The following PDE6D variants were observed in gnomAD, a reference collection of about 807,000 sequenced individuals.
PDE6D encodes the protein phosphodiesterase 6D, also known as retinal rod rhodopsin-sensitive cGMP 3',5'-cyclic phosphodiesterase subunit delta.
A neutral mutation model predicts 21.9 loss-of-function variants in PDE6D; 10 were observed. That is an observed-to-expected ratio of 0.46 (90% CI 0.28 to 0.78). The LOEUF is 0.78. Among genes scored for constraint, PDE6D ranks in the 30% least tolerant of loss-of-function variants. The pLI is 0.12. For missense variants in PDE6D, 139 were observed against 184.8 expected (o/e 0.75, Z 1.44); for synonymous variants, 59 against 63.5 (o/e 0.93, Z 0.34).
At chr2:231,780,788 C>T (rs2106293431) in intron 1 of PDE6D, among the ~76,000 whole-genome samples, 1 of 152,254 alleles carries the variant, frequency 6.6e-6, no homozygotes, top group East Asian at 1.9e-4. Flanking sequence ...TTTCCGACGC[C>T]CGGCACCTCT....
At chr2:231,734,392 A>G (rs988954553) in intron 4 of PDE6D, among the ~76,000 whole-genome samples, 1 of 151,768 alleles carries the variant, frequency 6.6e-6, no homozygotes, top group Non-Finnish European at 1.5e-5. Context: ...CGTCTCAAAA[A>G]AAAACAGCAA....
At chr2:231,741,928 G>C (rs1419604226) in intron 1 of PDE6D, among the ~76,000 whole-genome samples, 1 of 152,114 alleles carries the variant, frequency 6.6e-6, no homozygotes, top group African/African-American at 2.4e-5. Context: ...CAACAAAACT[G>C]TCATTTTCCG....
intron 1 of PDE6D, among the ~76,000 whole-genome samples, chr2:231,763,587 T>A (rs930908332): frequency 2.6e-5 from 4 of 151,970 alleles, no homozygotes; most frequent in African/African-American, 9.7e-5. Flanking sequence ...TTGATTTCAA[T>A]AATAATTTAA....
chr2:231,750,258 C>T (rs529324147), intron 1 of PDE6D, among the ~76,000 whole-genome samples: 27 of 152,256 alleles, frequency 1.8e-4, no homozygotes, highest in Admixed American at 9.2e-4. Flanking sequence ...CTTTTTCCCC[C>T]GTTTCAGGTG....
chr2:231,738,346 C>G (rs1176889823), intron 2 of PDE6D, among the ~76,000 whole-genome samples: 1 of 152,136 alleles, frequency 6.6e-6, no homozygotes. Flanking sequence ...ATTGGTCACC[C>G]GTATCTGAAA....
In PDE6D at chr2:231,751,561, T is replaced by C. The variant is rs563661928; in HGVS notation, c.51-12373A>G. Among the ~76,000 whole-genome samples the C allele has an allele frequency of 4.6e-5, 7 of 152,362 alleles. No homozygotes were observed. In the East Asian group the frequency reaches 9.6e-4, roughly 21 times the overall value. ...TTTGTCACAACTAAGGAACCAATAT[T>C]GATGTTATTGCTCCTCTTGGATGTG... On this transcript the variant is annotated intron_variant, in intron 1 of 4. Transcript: ENST00000287600.
chr2:231,769,166 G>A (rs2048995943), intron 1 of PDE6D, among the ~76,000 whole-genome samples: 1 of 152,184 alleles, frequency 6.6e-6, no homozygotes, highest in Non-Finnish European at 1.5e-5. Context: ...ACCATGCCTG[G>A]CCTGCTTTAT....
At chr2:231,747,975 C>G (rs1481060583) in intron 1 of PDE6D, among the ~76,000 whole-genome samples, 1 of 152,204 alleles carries the variant, frequency 6.6e-6, no homozygotes, top group Non-Finnish European at 1.5e-5. Context: ...CCTCTCCAAC[C>G]ATGTGGAACT....
chr2:231,778,888 C>T (rs1049045680), intron 1 of PDE6D: 2 of 152,202 alleles, frequency 1.3e-5, no homozygotes, highest in African/African-American at 4.8e-5. Context: ...TGAGTACTAT[C>T]AACACTGCTG....
In PDE6D at chr2:231,752,510, T is replaced by C. The variant is rs980576912; in HGVS notation, c.51-13322A>G. On this transcript the variant is annotated intron_variant, in intron 1 of 4. Coordinates refer to ENST00000287600, the MANE Select transcript of PDE6D (RefSeq NM_002601.4). ...AAGGAGGCACATTATGGAAGTGACTTTTTATGAACAACTTCAAATTCTCTA... is the reference window on the plus strand; with the variant it reads ...AAGGAGGCACATTATGGAAGTGACTCTTTATGAACAACTTCAAATTCTCTA... 4.6e-5 allele frequency among the ~76,000 whole-genome samples: 7 copies of C among 152,334 alleles called. No homozygotes were observed. In the East Asian group the frequency reaches 1.3e-3, roughly 29 times the overall value.
intron 1 of PDE6D, among the ~76,000 whole-genome samples, chr2:231,752,838 T>G (rs980609250): frequency 4.8e-5 from 7 of 145,822 alleles, no homozygotes; most frequent in Non-Finnish European, 9.1e-5. Flanking sequence ...TGAGTTTTTT[T>G]TTTTTTTTTT....
chr2:231,780,194 T>A (rs971415747), intron 1 of PDE6D, among the ~76,000 whole-genome samples: 1 of 152,060 alleles, frequency 6.6e-6, no homozygotes, highest in African/African-American at 2.4e-5. Flanking sequence ...CCCGAGGCAA[T>A]GATTTCTCTA....
chr2:231,774,397 A>T (rs1431414809), intron 1 of PDE6D, among the ~76,000 whole-genome samples: 1 of 152,158 alleles, frequency 6.6e-6, no homozygotes, highest in Non-Finnish European at 1.5e-5. Flanking sequence ...TGTTCTGTTG[A>T]GAGTCACAAT....
chr2:231,781,019 C>T, intron 1 of PDE6D, 46 bp downstream of exon 1: 2 of 1,557,408 alleles, frequency 1.3e-6, no homozygotes, highest in East Asian at 2.3e-5. Context: ...CAGTGAGCGG[C>T]CGCCTCCCAA....
chr2:231,734,187 C>T (rs1218225160), intron 4 of PDE6D, among the ~76,000 whole-genome samples: 1 of 151,378 alleles, frequency 6.6e-6, no homozygotes, highest in African/African-American at 2.4e-5. Flanking sequence ...GCACTCCAGC[C>T]TCCGCGACAG....
rs184035680 is a variant in PDE6D, at chr2:231,737,450, A to G, written c.266-158T>C. On this transcript the variant is annotated intron_variant, in intron 3 of 4. Coordinates refer to ENST00000287600, the MANE Select transcript of PDE6D (RefSeq NM_002601.4). Reference sequence around the variant, plus strand: ...ACCAGGGGCGTAAAAAAGACAGGGAAGCCTGCTCAGGTTGTCCTCTGAACC... The same window carrying G: ...ACCAGGGGCGTAAAAAAGACAGGGAGGCCTGCTCAGGTTGTCCTCTGAACC... 4 of 564,372 alleles carry G rather than the reference A, an allele frequency of 7.1e-6. No individual in the cohort carries two copies. In the East Asian group the frequency reaches 1.2e-4, roughly 17 times the overall value. The allele number at this position is 564,372 out of a possible 1,614,324, so 35.0% of individuals were successfully genotyped here. A position where few individuals can be genotyped will look rare whatever the true frequency, so the allele number is the denominator to read the frequency against.
intron 1 of PDE6D, among the ~76,000 whole-genome samples, chr2:231,773,836 C>G (rs758703039): frequency 6.6e-6 from 1 of 152,022 alleles, no homozygotes; most frequent in East Asian, 1.9e-4. Context: ...AATGGAAATA[C>G]GATAGTTTTT....
chr2:231,734,230 A>C (rs568694054), intron 4 of PDE6D, among the ~76,000 whole-genome samples: 1 of 152,164 alleles, frequency 6.6e-6, no homozygotes, highest in East Asian at 1.9e-4. Flanking sequence ...AATAAAAAAA[A>C]ATAAAAAATA....
chr2:231,763,636 TTC>T (rs1491302710), intron 1 of PDE6D, among the ~76,000 whole-genome samples: 4 of 151,766 alleles, frequency 2.6e-5, no homozygotes, highest in African/African-American at 9.7e-5. Flanking sequence ...AACTTTTTTT[TTC>T]TTTTTTTTTT....
Sources: allele counts gnomAD v4.1 joint callset (sites outside exome capture counted in the v4.1 genomes callset), GRCh38; gene constraint gnomAD v4.1.1; transcripts MANE v1.5; gene names NCBI Gene and HGNC (gene_info 2026-07-23, HGNC 2026-07-21).